THSD7A: variants seen among roughly 807,000 people sequenced by gnomAD.
THSD7A encodes thrombospondin type-1 domain-containing protein 7A.
THSD7A carries 96 observed loss-of-function variants against 231.3 expected under a neutral mutation model. That is an observed-to-expected ratio of 0.41 (90% CI 0.35 to 0.49). The LOEUF is 0.49. THSD7A is among the 20% of genes least tolerant of loss of function. The pLI, the probability that THSD7A is intolerant of heterozygous loss-of-function variation, is 0.05. For missense variants in THSD7A, 2,290 were observed against 2,070.2 expected (o/e 1.11, Z -2.06); for synonymous variants, 940 against 743.3 (o/e 1.26, Z -4.30).
At chr7:11,629,027 GT>G (rs1196933918) in intron 2 of THSD7A, among the ~76,000 whole-genome samples, 1 of 152,188 alleles carries the variant, frequency 6.6e-6, no homozygotes, top group African/African-American at 2.4e-5. Flanking sequence ...AGAATCTGAG[GT>G]AGACCTAGAG....
chr7:11,568,719 T>C (rs1424794598), intron 4 of THSD7A, among the ~76,000 whole-genome samples: 1 of 124,964 alleles, frequency 8.0e-6, no homozygotes, highest in Admixed American at 8.9e-5. Flanking sequence ...ATATTGGAAA[T>C]AGCCAGACCA....
intron 1 of THSD7A, among the ~76,000 whole-genome samples, chr7:11,703,143 C>A (rs1780657221): frequency 1.3e-5 from 2 of 151,244 alleles, no homozygotes; most frequent in East Asian, 3.9e-4. Flanking sequence ...TTTCAGCCTT[C>A]TCGAGTGAGC....
chr7:11,473,546 T>TA, intron 8 of THSD7A, among the ~76,000 whole-genome samples: 1 of 152,318 alleles, frequency 6.6e-6, no homozygotes, highest in East Asian at 1.9e-4. Context: ...TTTGAATTTT[T>TA]AAAAAGTATG....
At chr7:11,528,301 A>G (rs1168420778) in intron 6 of THSD7A, among the ~76,000 whole-genome samples, 2 of 152,172 alleles carry the variant, frequency 1.3e-5, no homozygotes, top group Non-Finnish European at 2.9e-5. Flanking sequence ...GACTGCAAAG[A>G]GCTCCAATGT....
At chr7:11,705,816 T>C (rs1780747626) in intron 1 of THSD7A, among the ~76,000 whole-genome samples, 1 of 150,968 alleles carries the variant, frequency 6.6e-6, no homozygotes, top group Non-Finnish European at 1.5e-5. Context: ...TTTCAAAAAT[T>C]CTATTTTCCA....
chr7:11,475,588 T>C (rs1002769951), intron 7 of THSD7A, among the ~76,000 whole-genome samples: 5 of 144,426 alleles, frequency 3.5e-5, no homozygotes, highest in African/African-American at 7.4e-5. Context: ...ATAACATATA[T>C]GTATATAACA....
intron 6 of THSD7A, among the ~76,000 whole-genome samples, chr7:11,527,126 T>C (rs1788508512): frequency 6.6e-6 from 1 of 152,154 alleles, no homozygotes; most frequent in African/African-American, 2.4e-5. Context: ...ATTTCCTGGG[T>C]TGTGTATCCT....
intron 4 of THSD7A, among the ~76,000 whole-genome samples, chr7:11,579,502 T>C (rs892116002): frequency 1.3e-5 from 2 of 152,200 alleles, no homozygotes; most frequent in Non-Finnish European, 2.9e-5. Flanking sequence ...ACGGATACTA[T>C]AGTCCCTTGA....
intron 23 of THSD7A, among the ~76,000 whole-genome samples, chr7:11,383,365 T>G (rs1159932387): frequency 6.6e-5 from 10 of 152,088 alleles, no homozygotes; most frequent in Admixed American, 6.6e-4. Flanking sequence ...TTAGCTATTT[T>G]TCTATTAGAT....
At position 11,461,996 on chromosome 7, in the gene THSD7A, T is replaced by C. The variant is rs1319177970; in HGVS notation, c.2501+15A>G. 6.2e-7 allele frequency: 1 copy of C among 1,610,356 alleles called. No individual in the cohort carries two copies. Among genetic ancestry groups the C allele is most frequent in the Non-Finnish European group, 8.5e-7 (1 of 1,177,582 alleles). On this transcript the variant is annotated intron_variant, in intron 10 of 27. Coordinates refer to ENST00000423059, the MANE Select transcript of THSD7A (RefSeq NM_015204.3). ...TGTTCAGCTCCTCCCTCACGATGCATTTCTCTAACCCTACCTGTAGCTTTG... is the reference window on the plus strand; with the variant it reads ...TGTTCAGCTCCTCCCTCACGATGCACTTCTCTAACCCTACCTGTAGCTTTG...
At chr7:11,415,341 C>T (rs1279417103) in intron 17 of THSD7A, among the ~76,000 whole-genome samples, 7 of 152,166 alleles carry the variant, frequency 4.6e-5, no homozygotes, top group Non-Finnish European at 1.0e-4. Context: ...ATAACTTGCT[C>T]CCATAGAAGA....
At chr7:11,571,419 T>C (rs1380483010) in intron 4 of THSD7A, among the ~76,000 whole-genome samples, 1 of 152,252 alleles carries the variant, frequency 6.6e-6, no homozygotes, top group African/African-American at 2.4e-5. Context: ...TGCTAAATCA[T>C]TGGCCGTGCC....
At chr7:11,674,020 G>C (rs937649775) in intron 1 of THSD7A, among the ~76,000 whole-genome samples, 1 of 151,904 alleles carries the variant, frequency 6.6e-6, no homozygotes, top group Non-Finnish European at 1.5e-5. Context: ...ACCACCTGCA[G>C]ACATACCCAA....
At chr7:11,412,294 A>G in intron 18 of THSD7A, among the ~76,000 whole-genome samples, 1 of 152,342 alleles carries the variant, frequency 6.6e-6, no homozygotes, top group East Asian at 1.9e-4. Flanking sequence ...AGTATGTTTT[A>G]GCAATTAAGC....
intron 4 of THSD7A, among the ~76,000 whole-genome samples, chr7:11,544,342 A>T (rs1217449317): frequency 6.6e-6 from 1 of 150,802 alleles, no homozygotes; most frequent in African/African-American, 2.4e-5. Flanking sequence ...CACAGTCGGA[A>T]AAAAAAAAAG....
At chr7:11,557,458 G>T (rs12334075) in intron 4 of THSD7A, among the ~76,000 whole-genome samples, 18,315 of 151,918 alleles carry the variant, frequency 0.12, 2,280 homozygotes, top group African/African-American at 0.31. Context: ...AGTGTTGGCT[G>T]CTATTTATTT....
rs749589979 is a variant in THSD7A, at chr7:11,424,805, T to C, written c.3274A>G (p.Ser1092Gly). Reference sequence around the variant, plus strand: ...ACCCATAGGTACTGGTTGCAGTCACTGTGGCATGGGACAACCTCATACACC... The same window carrying C: ...ACCCATAGGTACTGGTTGCAGTCACCGTGGCATGGGACAACCTCATACACC... ...AQVYEVVPCH[S>G]DCNQYLWVTE... Residue 1092 changes from serine (S) to glycine (G), a missense_variant, in exon 16 of 28, where the codon AGT becomes GGT. Coordinates refer to ENST00000423059, the MANE Select transcript of THSD7A (RefSeq NM_015204.3). 36 of 1,613,896 alleles carry C rather than the reference T, an allele frequency of 2.2e-5. No homozygotes were observed. Among genetic ancestry groups the C allele is most frequent in the Non-Finnish European group, 3.0e-5 (35 of 1,179,886 alleles).
At chr7:11,499,807 G>C (rs1395374402) in intron 6 of THSD7A, among the ~76,000 whole-genome samples, 1 of 152,194 alleles carries the variant, frequency 6.6e-6, no homozygotes, top group Non-Finnish European at 1.5e-5. Flanking sequence ...CATCTGCGAA[G>C]TATGGGATTA....
chr7:11,707,914 T>G (rs1780824039), intron 1 of THSD7A, among the ~76,000 whole-genome samples: 1 of 150,910 alleles, frequency 6.6e-6, no homozygotes, highest in Non-Finnish European at 1.5e-5. Context: ...GTCAAAAGTT[T>G]GAATATGCAT....
Sources: allele counts gnomAD v4.1 joint callset (sites outside exome capture counted in the v4.1 genomes callset), GRCh38; gene constraint gnomAD v4.1.1; transcripts MANE v1.5; gene names NCBI Gene and HGNC (gene_info 2026-07-23, HGNC 2026-07-21).